Variants in SCAI observed in about 807,000 individuals in gnomAD.
SCAI encodes the protein suppressor of cancer cell invasion.
In SCAI, 24 loss-of-function variants were observed where a neutral mutation model predicts 92.2. That is an observed-to-expected ratio of 0.26 (90% confidence interval 0.19 to 0.37). The LOEUF is 0.37. Among genes scored for constraint, SCAI ranks in the 10% least tolerant of loss-of-function variants. SCAI has a pLI of 1.00. For missense variants in SCAI, 450 were observed against 736.2 expected (o/e 0.61, Z 4.50); for synonymous variants, 261 against 258.6 (o/e 1.01, Z -0.09).
In SCAI at chr9:124,947,849, A is replaced by G. The variant is rs1198255069; in HGVS notation, c.*4958T>C. 6.6e-6 allele frequency: 1 copy of G among 152,194 alleles called. No homozygotes were observed. Among genetic ancestry groups the G allele is most frequent in the African/African-American group, 2.4e-5 (1 of 41,448 alleles). The allele number at this position is 152,194 out of a possible 1,614,324, so 9.4% of individuals were successfully genotyped here. A position where few individuals can be genotyped will look rare whatever the true frequency, so the allele number is the denominator to read the frequency against. On this transcript the variant is annotated 3_prime_UTR_variant, in exon 18 of 18. Transcript: ENST00000336505. ...ACTCATAGCATTCATATTCATATCA[A>G]ATCTTTTACTCAGGGTGGGGAGGTG... is the stretch of plus-strand genomic sequence containing the variant.
rs1290097642 is a variant in SCAI at position 125,106,721 on chromosome 9, CCTT to C, written c.98+35909_98+35911del. Among the ~76,000 whole-genome samples, 947 of 127,512 alleles carry C rather than the reference CCTT, an allele frequency of 7.4e-3. 2 individuals carry two copies. Among genetic ancestry groups the C allele is most frequent in the Non-Finnish European group, 0.011 (645 of 60,076 alleles). The allele number at this position is 127,512 out of a possible 152,430, so 83.7% of individuals were successfully genotyped here. A position where few individuals can be genotyped will look rare whatever the true frequency, so the allele number is the denominator to read the frequency against. Reference sequence around the variant, plus strand: ...GCTGAACTTGCATTATTTTTCTTTTCCTTTTTTTTTTTTTTTTTTTTTTGAGAC... The same window carrying C: ...GCTGAACTTGCATTATTTTTCTTTTCTTTTTTTTTTTTTTTTTTTTGAGAC... On this transcript the variant is annotated intron_variant, in intron 2 of 17. Coordinates refer to ENST00000336505, the MANE Select transcript of SCAI (RefSeq NM_001144877.3).
chr9:125,063,514 A>G (rs1260172942), intron 2 of SCAI, among the ~76,000 whole-genome samples: 1 of 152,156 alleles, frequency 6.6e-6, no homozygotes, highest in Non-Finnish European at 1.5e-5. Flanking sequence ...ATAAAATTTA[A>G]TGATGAAGTC....
chr9:124,964,247 G>C (rs1831497723), intron 17 of SCAI, among the ~76,000 whole-genome samples: 1 of 152,120 alleles, frequency 6.6e-6, no homozygotes, highest in Non-Finnish European at 1.5e-5. Flanking sequence ...AAACATTCAT[G>C]TCCACCCCAC....
At chr9:125,035,654 G>A (rs1174036170) in intron 3 of SCAI, among the ~76,000 whole-genome samples, 3 of 152,136 alleles carry the variant, frequency 2.0e-5, no homozygotes, top group South Asian at 2.1e-4. Context: ...TACAGGTAAC[G>A]ACCTAAGAAT....
intron 9 of SCAI, among the ~76,000 whole-genome samples, chr9:125,014,939 C>G (rs1175448271): frequency 6.6e-6 from 1 of 152,090 alleles, no homozygotes; most frequent in Non-Finnish European, 1.5e-5. Context: ...GGAAAGGATT[C>G]CCTATTTAAT....
chr9:125,060,912 T>C (rs1833756927), intron 2 of SCAI, among the ~76,000 whole-genome samples: 1 of 152,216 alleles, frequency 6.6e-6, no homozygotes, highest in Non-Finnish European at 1.5e-5. Flanking sequence ...CCTATTCAAG[T>C]ATTTCATAAA....
At chr9:124,955,698 GT>G (rs1831306147) in intron 17 of SCAI, among the ~76,000 whole-genome samples, 1 of 151,258 alleles carries the variant, frequency 6.6e-6, no homozygotes, top group South Asian at 2.1e-4. Context: ...AAAAACGAAA[GT>G]TAATGGAAGT....
intron 6 of SCAI, among the ~76,000 whole-genome samples, chr9:125,024,863 G>C (rs1832938160): frequency 6.6e-6 from 1 of 152,184 alleles, no homozygotes; most frequent in Non-Finnish European, 1.5e-5. Flanking sequence ...AGGTAGGATG[G>C]ACCCATGGAA....
chr9:124,996,154 T>C (rs1170605206), intron 13 of SCAI, among the ~76,000 whole-genome samples: 1 of 118,478 alleles, frequency 8.4e-6, no homozygotes, highest in Non-Finnish European at 1.6e-5. Flanking sequence ...ATTACCACGA[T>C]CAAATTAATC....
chr9:125,044,367 G>T (rs1226985819), intron 3 of SCAI, among the ~76,000 whole-genome samples: 6 of 152,080 alleles, frequency 3.9e-5, no homozygotes, highest in Non-Finnish European at 8.8e-5. Flanking sequence ...CCCTCTGTGG[G>T]ATGACATGCC....
At chr9:125,134,517 T>C (rs1477615488) in intron 2 of SCAI, among the ~76,000 whole-genome samples, 1 of 152,178 alleles carries the variant, frequency 6.6e-6, no homozygotes, top group Non-Finnish European at 1.5e-5. Context: ...CCCCAAATCA[T>C]ACAGTAAAGC....
intron 14 of SCAI, among the ~76,000 whole-genome samples, chr9:124,989,193 T>C (rs1426314294): frequency 6.6e-6 from 1 of 151,864 alleles, no homozygotes; most frequent in Non-Finnish European, 1.5e-5. Flanking sequence ...AACTGAAAAA[T>C]CACTAAGAAG....
At position 124,963,158 on chromosome 9, in the gene SCAI, C is replaced by T. The variant is rs546119511; in HGVS notation, c.1674+8212G>A. On this transcript the variant is annotated intron_variant, in intron 17 of 17. Transcript: ENST00000336505. Reference sequence around the variant, plus strand: ...GAAAAGAATTTTTTCCCCCCCGAGACGGAGTTTTGCTTTTGTTACCCAGGC... The same window carrying T: ...GAAAAGAATTTTTTCCCCCCCGAGATGGAGTTTTGCTTTTGTTACCCAGGC... 1.7e-4 allele frequency among the ~76,000 whole-genome samples: 25 copies of T among 148,312 alleles called. No homozygotes were observed. In the South Asian group the frequency reaches 4.3e-3, roughly 26 times the overall value.
Position 125,045,066 on chromosome 9 carries a change from T to C in SCAI, c.230+10810A>G, listed in dbSNP as rs562919000. Among the ~76,000 whole-genome samples the C allele has an allele frequency of 1.6e-4, 24 of 152,240 alleles. No homozygotes were observed. In the East Asian group the frequency reaches 4.1e-3, roughly 26 times the overall value. ...TTGGCAGGTGTGGGATCTGAGCCAG[T>C]AGCATAAGTCAAGCACAACCTGCCA... On this transcript the variant is annotated intron_variant, in intron 3 of 17. Coordinates refer to ENST00000336505, the MANE Select transcript of SCAI (RefSeq NM_001144877.3).
intron 2 of SCAI, among the ~76,000 whole-genome samples, chr9:125,085,312 C>T (rs944669720): frequency 7.9e-5 from 12 of 151,732 alleles, no homozygotes. Context: ...CATGGTGAAA[C>T]CCCATCTCAA....
intron 17 of SCAI, among the ~76,000 whole-genome samples, chr9:124,956,343 C>G (rs1373327376): frequency 6.6e-6 from 1 of 152,122 alleles, no homozygotes; most frequent in Non-Finnish European, 1.5e-5. Context: ...CTCAGCCACC[C>G]TAGTAGCTGG....
intron 17 of SCAI, 36 bp from the exon 18 acceptor site, chr9:124,952,989 G>A (rs1397581654): frequency 1.9e-6 from 3 of 1,595,876 alleles, no homozygotes; most frequent in African/African-American, 1.3e-5. Context: ...AAGTTTTGTA[G>A]TCTAATGAAA....
At chr9:125,076,648 T>C (rs1041252158) in intron 2 of SCAI, among the ~76,000 whole-genome samples, 8 of 152,130 alleles carry the variant, frequency 5.3e-5, no homozygotes, top group African/African-American at 9.7e-5. Flanking sequence ...GCAAATTGTT[T>C]GAGTTCAAGA....
At chr9:124,975,225 C>A in intron 15 of SCAI, 2 of 358,960 alleles carry the variant, frequency 5.6e-6, no homozygotes, top group African/African-American at 2.2e-5. Context: ...CATGTTTTTC[C>A]CTGTTAAACA....
Sources: allele counts gnomAD v4.1 joint callset (sites outside exome capture counted in the v4.1 genomes callset), GRCh38; gene constraint gnomAD v4.1.1; transcripts MANE v1.5; gene names NCBI Gene and HGNC (gene_info 2026-07-23, HGNC 2026-07-21).